The following TANC1 variants were observed in gnomAD, a reference collection of about 807,000 sequenced individuals.
The protein encoded by TANC1 is protein TANC1.
A neutral mutation model predicts 149.7 loss-of-function variants in TANC1; 77 were observed. The observed-to-expected ratio is 0.51, with a 90% CI of 0.43 to 0.62. TANC1 has a LOEUF of 0.62. Among genes scored for constraint, TANC1 ranks in the 20% least tolerant of loss-of-function variants. The pLI is 0.00. For missense variants in TANC1, 1,985 were observed against 2,321.8 expected (o/e 0.85, Z 2.98); for synonymous variants, 854 against 925.0 (o/e 0.92, Z 1.39).
At chr2:159,149,016 A>G (rs1475635409) in intron 5 of TANC1, 126 bp from the exon 6 acceptor site, 102 of 1,164,434 alleles carry the variant, frequency 8.8e-5, no homozygotes, top group Non-Finnish European at 1.2e-4. Context: ...GCGTTGTCCA[A>G]CTTTGTGCGC....
intron 2 of TANC1, among the ~76,000 whole-genome samples, chr2:159,048,113 A>G (rs887109322): frequency 5.9e-5 from 9 of 152,170 alleles, no homozygotes; most frequent in African/African-American, 9.7e-5. Flanking sequence ...AGCACAGTAT[A>G]GTTGGGGTTT....
chr2:159,013,715 T>C (rs551793513), intron 2 of TANC1, among the ~76,000 whole-genome samples: 1 of 152,304 alleles, frequency 6.6e-6, no homozygotes, highest in Admixed American at 6.5e-5. Context: ...ACCCGAGGAC[T>C]GGGTTGTGTT....
rs113081423 is a variant in TANC1, at chr2:159,052,238, CT to C, written c.-15-13657del. On this transcript the variant is annotated intron_variant, in intron 2 of 26. Transcript: ENST00000263635. ...GTGGCATTTTGTTTTTGTACATTGT[CT>C]GTCACAGTAAATATCTAGAGTCTGT... is the stretch of plus-strand genomic sequence containing the variant. Among the ~76,000 whole-genome samples the C allele has an allele frequency of 2.8e-4, 25 of 89,688 alleles. 1 individual carries two copies. The highest frequency in any genetic ancestry group is 7.0e-4 in the African/African-American group (25 of 35,802). The allele number at this position is 89,688 out of a possible 152,430, so 58.8% of individuals were successfully genotyped here.
intron 1 of TANC1, among the ~76,000 whole-genome samples, chr2:158,975,052 C>T (rs1374798444): frequency 6.6e-6 from 1 of 151,780 alleles, no homozygotes; most frequent in Non-Finnish European, 1.5e-5. Context: ...CCCCAGTCCT[C>T]CTTCATACTT....
rs2060342367 is a variant in TANC1 at position 159,231,793 on chromosome 2, AGC to A, written c.*782_*783del. On this transcript the variant is annotated 3_prime_UTR_variant, in exon 27 of 27. Transcript: ENST00000263635. The stretch of plus-strand genomic sequence containing the variant: ...GCATTCTTAGTGGCGCTTATAAATT[AGC>A]TCTCACCTGGTTTCCAAACTGCTTT... 1 of 152,218 alleles carries A rather than the reference AGC, an allele frequency of 6.6e-6. No individual in the cohort carries two copies. The highest frequency in any genetic ancestry group is 1.5e-5 in the Non-Finnish European group (1 of 68,038). The allele number at this position is 152,218 out of a possible 1,614,324, so 9.4% of individuals were successfully genotyped here.
intron 19 of TANC1, among the ~76,000 whole-genome samples, chr2:159,207,716 A>AAC (rs1187737607): frequency 2.0e-5 from 3 of 149,544 alleles, no homozygotes; most frequent in African/African-American, 7.4e-5. Flanking sequence ...AAAAAAAAAA[A>AAC]AAAAAAAAAA....
chr2:159,083,369 G>A (rs981914799), intron 3 of TANC1, among the ~76,000 whole-genome samples: 3 of 151,784 alleles, frequency 2.0e-5, no homozygotes, highest in African/African-American at 7.3e-5. Flanking sequence ...CATGTTGTAT[G>A]TGACTTTAAA....
intron 19 of TANC1, 90 bp from the exon 20 acceptor site, chr2:159,217,407 C>T: frequency 6.5e-7 from 1 of 1,544,020 alleles, no homozygotes; most frequent in Non-Finnish European, 8.8e-7. Flanking sequence ...GACCCCATCT[C>T]CCACTGGGGG....
intron 2 of TANC1, among the ~76,000 whole-genome samples, chr2:159,042,712 G>C (rs2040747924): frequency 6.6e-6 from 1 of 152,034 alleles, no homozygotes; most frequent in African/African-American, 2.4e-5. Flanking sequence ...TGTACCTGGA[G>C]GATGACTAAT....
At chr2:159,155,130 G>A (rs1422749047) in intron 7 of TANC1, among the ~76,000 whole-genome samples, 1 of 152,168 alleles carries the variant, frequency 6.6e-6, no homozygotes, top group Non-Finnish European at 1.5e-5. Flanking sequence ...AGTGCTTTGA[G>A]ATAAATTTAA....
chr2:159,085,813 C>T (rs1417698636), intron 3 of TANC1, among the ~76,000 whole-genome samples: 1 of 152,156 alleles, frequency 6.6e-6, no homozygotes, highest in East Asian at 1.9e-4. Flanking sequence ...TCACTAGGCC[C>T]CACCTAGTGC....
intron 2 of TANC1, among the ~76,000 whole-genome samples, chr2:159,020,415 T>G (rs1332465194): frequency 6.6e-6 from 1 of 152,186 alleles, no homozygotes; most frequent in Non-Finnish European, 1.5e-5. Flanking sequence ...TGTGAGCCAC[T>G]GCACCTGGCC....
At chr2:159,219,096 C>T (rs2059526131) in intron 20 of TANC1, 142 bp from the exon 21 acceptor site, 1 of 1,084,150 alleles carries the variant, frequency 9.2e-7, no homozygotes, top group Admixed American at 1.9e-5. Flanking sequence ...GAAAGATTTT[C>T]CAGGCCCCAT....
chr2:159,038,324 T>C (rs2040365103), intron 2 of TANC1, among the ~76,000 whole-genome samples: 1 of 152,192 alleles, frequency 6.6e-6, no homozygotes, highest in Non-Finnish European at 1.5e-5. Flanking sequence ...CTTCCTCTTT[T>C]CCTAATCAAA....
chr2:159,168,306 T>TC (rs1419045246), intron 8 of TANC1, among the ~76,000 whole-genome samples: 57 of 150,274 alleles, frequency 3.8e-4, no homozygotes, highest in African/African-American at 1.4e-3. Flanking sequence ...TTAATTTTTT[T>TC]TTTTTTTTTT....
Position 159,178,636 on chromosome 2 carries a change from C to A in TANC1, c.1983C>A (p.His661Gln). The part of the protein sequence containing the change: ...PDNKDIHSDL[H>Q]AYVQHRVHSS... ...ACAAAGACATCCACAGTGACCTGCACGCCTACGTCCAGCACAGGGTGCACA... is the reference window on the plus strand; with the variant it reads ...ACAAAGACATCCACAGTGACCTGCAAGCCTACGTCCAGCACAGGGTGCACA... The change falls in exon 14 of 27, where the codon CAC (histidine) becomes CAA (glutamine). Residue 661 changes from histidine to glutamine, a missense_variant. Physicochemically the swap from His to Gln is conservative, Grantham distance 24 (BLOSUM62 0). Around this residue, in one of 3 missense-constraint regions of TANC1, gnomAD observed 508 missense variants for 714.2 expected, o/e 0.71. Coordinates refer to ENST00000263635, the MANE Select transcript of TANC1 (RefSeq NM_033394.3). 1 of 1,614,054 alleles carries A rather than the reference C, an allele frequency of 6.2e-7. No homozygotes were observed. Among genetic ancestry groups the A allele is most frequent in the Non-Finnish European group, 8.5e-7 (1 of 1,179,962 alleles).
At position 159,150,574 on chromosome 2, in the gene TANC1, C is replaced by T. The variant is rs2052674737; in HGVS notation, c.682+18C>T. ...AATTATAGGTAAGAAGCACACTGCT[C>T]GGTAACATAATGGCTCGAATCTCAT... On this transcript the variant is annotated intron_variant, in intron 7 of 26. Coordinates refer to ENST00000263635, the MANE Select transcript of TANC1 (RefSeq NM_033394.3). 9.4e-6 allele frequency: 15 copies of T among 1,591,074 alleles called. No homozygotes were observed. In the East Asian group the frequency reaches 1.8e-4, roughly 19 times the overall value.
At chr2:159,113,289 C>G (rs1366484503) in intron 4 of TANC1, among the ~76,000 whole-genome samples, 1 of 152,096 alleles carries the variant, frequency 6.6e-6, no homozygotes, top group African/African-American at 2.4e-5. Flanking sequence ...AGTATATTGT[C>G]CCTTTTACTG....
chr2:158,976,693 C>T (rs1407352839), intron 1 of TANC1, among the ~76,000 whole-genome samples: 4 of 152,076 alleles, frequency 2.6e-5, no homozygotes, highest in Non-Finnish European at 5.9e-5. Flanking sequence ...CCAGCCTGGC[C>T]AACATGGTGA....
Sources: allele counts gnomAD v4.1 joint callset (sites outside exome capture counted in the v4.1 genomes callset), GRCh38; gene constraint gnomAD v4.1.1; regional missense constraint gnomAD v4.1.1; transcripts MANE v1.5; gene names NCBI Gene and HGNC (gene_info 2026-07-23, HGNC 2026-07-21).